ANK2: variants seen among roughly 807,000 people sequenced by gnomAD.
ANK2 encodes the protein ankyrin 2, also known as ankyrin-2.
In ANK2, 83 loss-of-function variants were observed where a neutral mutation model predicts 360.5. The observed-to-expected ratio is 0.23, with a 90% CI of 0.19 to 0.28. The LOEUF (loss-of-function observed/expected upper bound fraction) is 0.28. Ranked by LOEUF, ANK2 falls within the 10% of genes least tolerant of loss-of-function variation. ANK2 has a pLI of 1.00. For missense variants in ANK2, 4,201 were observed against 4,795.7 expected (o/e 0.88, Z 3.66); for synonymous variants, 1,740 against 1,759.5 (o/e 0.99, Z 0.28).
At chr4:112,799,778 A>G in the ANK2 span, among the ~76,000 whole-genome samples, 1 of 149,820 alleles carries the variant, frequency 6.7e-6, no homozygotes, top group East Asian at 2.0e-4. Context: ...TCAGCCTTCC[A>G]AAGTGCTGGG....
At chr4:112,793,032 A>G in the ANK2 span, among the ~76,000 whole-genome samples, 1 of 152,164 alleles carries the variant, frequency 6.6e-6, no homozygotes, top group Non-Finnish European at 1.5e-5. Context: ...TTTCGATCCA[A>G]AATTTTAAAA....
At chr4:112,816,534 A>G (rs1269173024), upstream of ANK2, among the ~76,000 whole-genome samples, 1 of 152,090 alleles carries the variant, frequency 6.6e-6, no homozygotes, top group African/African-American at 2.4e-5. Flanking sequence ...ATTGATTACA[A>G]TATCAAATAA....
At chr4:112,906,976 T>C (rs1202279115) in intron 2 of ANK2, among the ~76,000 whole-genome samples, 1 of 152,218 alleles carries the variant, frequency 6.6e-6, no homozygotes, top group African/African-American at 2.4e-5. Flanking sequence ...TTTTCTTAGG[T>C]CCTCAGTTTT....
intron 1 of ANK2, among the ~76,000 whole-genome samples, chr4:113,055,253 T>C (rs971413451): frequency 6.6e-6 from 1 of 152,014 alleles, no homozygotes; most frequent in Non-Finnish European, 1.5e-5. Flanking sequence ...AATAAAAAAT[T>C]AGCCAGGCAT....
chr4:112,907,033 CTT>C (rs2085481844), intron 2 of ANK2, among the ~76,000 whole-genome samples: 1 of 152,138 alleles, frequency 6.6e-6, no homozygotes, highest in Admixed American at 6.5e-5. Context: ...TTTAAGAACA[CTT>C]TTTGACCTTG....
intron 2 of ANK2, among the ~76,000 whole-genome samples, chr4:112,984,273 A>G (rs370614979): frequency 5.8e-4 from 89 of 152,362 alleles, no homozygotes; most frequent in African/African-American, 1.9e-3. Flanking sequence ...GCTGATAAAG[A>G]CATACCTGAG....
the ANK2 span, among the ~76,000 whole-genome samples, chr4:112,774,001 A>G: frequency 6.6e-6 from 1 of 151,632 alleles, no homozygotes; most frequent in African/African-American, 2.4e-5. Context: ...GGGTTTGACT[A>G]TGTTGGACAG....
At chr4:112,742,431 C>T in the ANK2 span, among the ~76,000 whole-genome samples, 12 of 150,466 alleles carry the variant, frequency 8.0e-5, 1 homozygote, top group South Asian at 4.2e-4. Flanking sequence ...TGTATTAGGA[C>T]GGCTATGGAG....
At chr4:113,072,742 A>ATTTTTTTTTTTTTTTTTTTTTTTTTTT (rs34098456) in intron 1 of ANK2, among the ~76,000 whole-genome samples, 1 of 74,246 alleles carries the variant, frequency 1.3e-5, no homozygotes, top group African/African-American at 4.5e-5. Flanking sequence ...ACTTGGCATA[A>ATTTTTTTTTTTTTTTTTTTTTTTTTTT]TTTTTTTTTT....
At chr4:113,290,008 G>A (rs763220762) in intron 20 of ANK2, among the ~76,000 whole-genome samples, 1 of 152,112 alleles carries the variant, frequency 6.6e-6, no homozygotes, top group Non-Finnish European at 1.5e-5. Context: ...GCTTGAAAAT[G>A]CTTATCATAT....
intron 2 of ANK2, among the ~76,000 whole-genome samples, chr4:112,910,416 G>A (rs2151001563): frequency 6.6e-6 from 1 of 152,320 alleles, no homozygotes; most frequent in Non-Finnish European, 1.5e-5. Flanking sequence ...GTTACTGAGA[G>A]CTGCTCTAAA....
chr4:112,804,014 G>T, the ANK2 span, among the ~76,000 whole-genome samples: 891 of 142,774 alleles, frequency 6.2e-3, 2 homozygotes, highest in Middle Eastern at 0.014. Flanking sequence ...CAATCTCACG[G>T]TTTTTTTTTT....
At chr4:112,820,576 T>A (rs1045469064) in intron 1 of ANK2, among the ~76,000 whole-genome samples, 1 of 152,238 alleles carries the variant, frequency 6.6e-6, no homozygotes, top group Non-Finnish European at 1.5e-5. Context: ...TCCCGAAGAA[T>A]GTCTTGCAAT....
intron 14 of ANK2, among the ~76,000 whole-genome samples, chr4:113,271,417 C>T (rs1302418858): frequency 6.6e-6 from 1 of 152,010 alleles, no homozygotes; most frequent in Non-Finnish European, 1.5e-5. Context: ...GAAAAATGAG[C>T]ACATATCTGC....
At chr4:113,251,015 C>T (rs2046052568) in intron 10 of ANK2, among the ~76,000 whole-genome samples, 1 of 152,060 alleles carries the variant, frequency 6.6e-6, no homozygotes, top group African/African-American at 2.4e-5. Flanking sequence ...TATTCTCATA[C>T]CTATACTGTG....
At chr4:113,097,465 C>T (rs2091578180) in intron 1 of ANK2, among the ~76,000 whole-genome samples, 1 of 152,026 alleles carries the variant, frequency 6.6e-6, no homozygotes, top group Non-Finnish European at 1.5e-5. Context: ...AAATTGCACC[C>T]AATTTATACA....
At chr4:113,248,415 G>C (rs752115420) in intron 9 of ANK2, among the ~76,000 whole-genome samples, 12 of 152,038 alleles carry the variant, frequency 7.9e-5, no homozygotes, top group Non-Finnish European at 1.6e-4. Context: ...TTGGCAGGAA[G>C]GTAAACTTTC....
chr4:112,943,399 A>G (rs1356428903), intron 2 of ANK2, among the ~76,000 whole-genome samples: 9 of 151,900 alleles, frequency 5.9e-5, no homozygotes, highest in African/African-American at 1.9e-4. Flanking sequence ...AGTGTCAATA[A>G]ACAATTTACT....
chr4:113,282,968 TAAAA>T, intron 18 of ANK2, 96 bp downstream of exon 18: 1 of 1,371,472 alleles, frequency 7.3e-7, no homozygotes, highest in South Asian at 1.2e-5. Context: ...AGCAATGTAT[TAAAA>T]AGAAACAGGG....
Sources: allele counts gnomAD v4.1 joint callset (sites outside exome capture counted in the v4.1 genomes callset), GRCh38; gene constraint gnomAD v4.1.1; transcripts MANE v1.5; gene names NCBI Gene and HGNC (gene_info 2026-07-23, HGNC 2026-07-21).